The following AFAP1 variants were observed in gnomAD, a reference collection of about 807,000 sequenced individuals.
AFAP1 encodes the protein actin filament-associated protein 1.
A neutral mutation model predicts 93.9 loss-of-function variants in AFAP1; 75 were observed. The observed-to-expected ratio is 0.80, with a 90% CI of 0.66 to 0.97. AFAP1 has a LOEUF of 0.97. AFAP1 is among the 50% of genes least tolerant of loss of function. The probability of loss-of-function intolerance (pLI) is 0.00; values close to 1 mark genes in which losing one functional copy is unlikely to be tolerated. For synonymous variants in AFAP1, 517 were observed against 430.7 expected (o/e 1.20, Z -2.48); for missense variants, 1,201 against 1,050.8 (o/e 1.14, Z -1.98).
intron 17 of AFAP1, among the ~76,000 whole-genome samples, chr4:7,764,966 T>C (rs28735524): frequency 0.14 from 20,949 of 151,956 alleles, 1,472 homozygotes; most frequent in Admixed American, 0.16. Flanking sequence ...ATTAGCTGGG[T>C]GTGGTGGCGC....
chr4:7,848,133 G>GAAGGAAGGAAGGA (rs1560197099), intron 4 of AFAP1, among the ~76,000 whole-genome samples: 1 of 69,742 alleles, frequency 1.4e-5, no homozygotes, highest in Non-Finnish European at 2.5e-5. Context: ...GGAAGGGAGT[G>GAAGGAAGGAAGGA]AGTGAGGGAG....
chr4:7,905,046 G>A (rs574068636), intron 1 of AFAP1, among the ~76,000 whole-genome samples: 109 of 152,318 alleles, frequency 7.2e-4, no homozygotes, highest in Non-Finnish European at 1.2e-3. Flanking sequence ...GCAGTGAGCA[G>A]GGAGAGAACA....
rs116195674 is a variant in AFAP1, at chr4:7,922,390, G to A, written c.-3+17266C>T. Among the ~76,000 whole-genome samples the A allele has an allele frequency of 7.8e-3, 1,188 of 152,262 alleles. 23 individuals carry two copies. The highest frequency in any genetic ancestry group is 0.027 in the African/African-American group (1,135 of 41,538). On this transcript the variant is annotated intron_variant, in intron 1 of 17. Transcript: ENST00000420658. ...AATTCTAGCTTGGATGTCAGAGCAG[G>A]GATCATGTAAAGGAAGTGAGTATTT...
intron 1 of AFAP1, among the ~76,000 whole-genome samples, chr4:7,899,860 A>G (rs183254418): frequency 1.8e-3 from 266 of 151,770 alleles, no homozygotes; most frequent in African/African-American, 6.0e-3. Flanking sequence ...CTCTTTAAAA[A>G]TAAATAAATA....
rs1212436796 is a variant in AFAP1 at position 7,843,369 on chromosome 4, C to T, written c.335-19G>A. ...TCATAATCTGTAAAAAATAAACATA[C>T]ACTGGTAAAAAGGACTTCTTTACCT... On this transcript the variant is annotated intron_variant, in intron 4 of 17. Coordinates refer to ENST00000420658, the MANE Select transcript of AFAP1 (RefSeq NM_001134647.2). The T allele has an allele frequency of 1.3e-6, 2 of 1,596,172 alleles. No individual in the cohort carries two copies. The highest frequency in any genetic ancestry group is 1.7e-6 in the Non-Finnish European group (2 of 1,169,734).
At chr4:7,842,050 C>T (rs1040533278) in intron 5 of AFAP1, among the ~76,000 whole-genome samples, 6 of 151,996 alleles carry the variant, frequency 3.9e-5, no homozygotes, top group African/African-American at 1.5e-4. Context: ...ATAATATATC[C>T]ACATCTTGTA....
At chr4:7,779,189 A>C (rs1577195720) in intron 13 of AFAP1, 1 of 330,746 alleles carries the variant, frequency 3.0e-6, no homozygotes, top group Non-Finnish European at 5.6e-6. Context: ...TGACTACCCC[A>C]GAGCACTCAG....
chr4:7,856,321 C>A (rs895216925), intron 3 of AFAP1, among the ~76,000 whole-genome samples: 2 of 152,038 alleles, frequency 1.3e-5, no homozygotes, highest in South Asian at 2.1e-4. Context: ...CTGCTCACTG[C>A]AAGCTCTGCC....
intron 12 of AFAP1, among the ~76,000 whole-genome samples, chr4:7,781,830 C>T (rs1270247303): frequency 6.6e-6 from 1 of 152,172 alleles, no homozygotes; most frequent in Non-Finnish European, 1.5e-5. Context: ...AGACCCAACA[C>T]AAGCATGCAG....
intron 1 of AFAP1, among the ~76,000 whole-genome samples, chr4:7,886,971 T>C (rs560238357): frequency 7.2e-5 from 11 of 152,320 alleles, no homozygotes; most frequent in African/African-American, 2.2e-4. Context: ...ATGTTACCCC[T>C]GACATCCAAG....
chr4:7,933,432 G>A (rs1721207826), intron 1 of AFAP1, among the ~76,000 whole-genome samples: 3 of 152,084 alleles, frequency 2.0e-5, no homozygotes, highest in Non-Finnish European at 4.4e-5. Flanking sequence ...AATTAGTCGG[G>A]CACAGTGGCA....
intron 15 of AFAP1, chr4:7,773,969 A>G (rs9996019): frequency 0.84 from 127,459 of 152,534 alleles, 53,496 homozygotes; most frequent in African/African-American, 0.91. Flanking sequence ...TCTCTGGACC[A>G]CCCAGGGCTC....
intron 6 of AFAP1, among the ~76,000 whole-genome samples, chr4:7,827,569 C>CCAAAAAAAAAAAAAAAAAAAAAAAA (rs1390814580): frequency 1.9e-5 from 1 of 52,254 alleles, no homozygotes; most frequent in African/African-American, 8.0e-5. Flanking sequence ...ACTCTGTCTC[C>CCAAAAAAAAAAAAAAAAAAAAAAAA]AAAAAAAAAA....
chr4:7,931,709 G>A (rs886254896), intron 1 of AFAP1, among the ~76,000 whole-genome samples: 8 of 152,004 alleles, frequency 5.3e-5, no homozygotes, highest in Admixed American at 3.9e-4. Flanking sequence ...AAATTTTCTG[G>A]AATGCAACCA....
chr4:7,787,657 G>C (rs903351417), intron 11 of AFAP1, among the ~76,000 whole-genome samples: 3 of 152,340 alleles, frequency 2.0e-5, no homozygotes, highest in East Asian at 3.9e-4. Context: ...CCAGAGGTGA[G>C]GCCCAACAGT....
intron 11 of AFAP1, among the ~76,000 whole-genome samples, chr4:7,787,596 A>C (rs1441092336): frequency 1.3e-5 from 2 of 152,186 alleles, no homozygotes; most frequent in Non-Finnish European, 2.9e-5. Context: ...GCTGGTGCCC[A>C]CAGAAACCTA....
chr4:7,790,823 A>C (rs141979465), intron 11 of AFAP1, among the ~76,000 whole-genome samples: 58 of 152,320 alleles, frequency 3.8e-4, no homozygotes, highest in African/African-American at 1.4e-3. Flanking sequence ...TTTCCACACA[A>C]AAGGACAGTG....
chr4:7,882,236 AAGAAAAAAATAATTTACC>A (rs1717892950), intron 1 of AFAP1, among the ~76,000 whole-genome samples: 1 of 152,216 alleles, frequency 6.6e-6, no homozygotes, highest in Non-Finnish European at 1.5e-5. Flanking sequence ...GAAATTTCGT[AAGAAAAAAATAATTTACC>A]AGAATTACCC....
chr4:7,868,476 A>G (rs1716671719), intron 3 of AFAP1, 146 bp downstream of exon 3: 2 of 630,700 alleles, frequency 3.2e-6, no homozygotes, highest in Non-Finnish European at 5.2e-6. Flanking sequence ...ACAGCTTCTC[A>G]GCCCTAGAAA....
Sources: gnomAD v4.1 joint callset for allele counts (sites outside exome capture counted in the v4.1 genomes callset) on GRCh38, gnomAD v4.1.1 for gene constraint, MANE v1.5 for transcripts, NCBI Gene and HGNC (gene_info 2026-07-23, HGNC 2026-07-21) for gene names.